The following PLXDC2 variants were observed in gnomAD, a reference collection of about 807,000 sequenced individuals.
PLXDC2 encodes plexin domain containing 2.
A neutral mutation model predicts 68.9 loss-of-function variants in PLXDC2; 40 were observed. The ratio of observed to expected loss-of-function variants is 0.58; its 90% CI spans 0.45 to 0.76. PLXDC2 has a LOEUF of 0.76. Among genes scored for constraint, PLXDC2 ranks in the 30% least tolerant of loss-of-function variants. PLXDC2 has a pLI of 0.00. For synonymous variants in PLXDC2, 243 were observed against 234.2 expected (o/e 1.04, Z -0.34); for missense variants, 644 against 661.9 (o/e 0.97, Z 0.30).
intron 1 of PLXDC2, among the ~76,000 whole-genome samples, chr10:19,933,602 C>CA (rs1417048014): frequency 2.0e-5 from 3 of 152,016 alleles, no homozygotes; most frequent in Non-Finnish European, 4.4e-5. Context: ...CACTGACCTC[C>CA]AGTCTGGGTG....
At chr10:20,209,226 A>G (rs1306982048) in intron 9 of PLXDC2, among the ~76,000 whole-genome samples, 1 of 152,160 alleles carries the variant, frequency 6.6e-6, no homozygotes, top group South Asian at 2.1e-4. Flanking sequence ...AGCTTATTTC[A>G]TCCCTGCAGC....
chr10:20,043,081 A>G (rs1835712154), intron 2 of PLXDC2, among the ~76,000 whole-genome samples: 1 of 152,222 alleles, frequency 6.6e-6, no homozygotes, highest in Non-Finnish European at 1.5e-5. Flanking sequence ...AAAAAGGATA[A>G]GACGTGTTTT....
At chr10:20,217,600 T>TTGC in intron 11 of PLXDC2, 24 bp downstream of exon 11, 1 of 731,820 alleles carries the variant, frequency 1.4e-6, no homozygotes, top group Non-Finnish European at 1.7e-6. Flanking sequence ...AGTTTGCTTT[T>TTGC]TTTTTTTTTT....
intron 12 of PLXDC2, among the ~76,000 whole-genome samples, chr10:20,229,860 A>C (rs1835337155): frequency 6.6e-6 from 1 of 152,232 alleles, no homozygotes. Flanking sequence ...TAAATTAACA[A>C]CTTGTTGGAT....
chr10:20,080,964 G>T (rs1204278099), intron 4 of PLXDC2, among the ~76,000 whole-genome samples: 1 of 152,176 alleles, frequency 6.6e-6, no homozygotes, highest in Non-Finnish European at 1.5e-5. Flanking sequence ...AAACTCCTGA[G>T]GATTCTAGTC....
rs1415400661 is a variant in PLXDC2, at chr10:20,196,539, A to G, written c.1062-15130A>G. ...AAACCTAGCAAAGTTAGATTTCAAA[A>G]TCTCTCTCTTACTGAAAAAGAATCT... On this transcript the variant is annotated intron_variant, in intron 9 of 13. Transcript: ENST00000377252. 3.3e-5 allele frequency among the ~76,000 whole-genome samples: 5 copies of G among 152,082 alleles called. No homozygotes were observed. The East Asian group carries it at 9.7e-4, about 29-fold the overall frequency.
At chr10:20,118,494 C>T (rs182784150) in intron 4 of PLXDC2, among the ~76,000 whole-genome samples, 10 of 152,258 alleles carry the variant, frequency 6.6e-5, no homozygotes, top group Middle Eastern at 3.4e-3. Flanking sequence ...CACATTCTGG[C>T]CAGAACCAAG....
intron 4 of PLXDC2, among the ~76,000 whole-genome samples, chr10:20,115,279 C>T (rs1215423442): frequency 6.6e-6 from 1 of 152,164 alleles, no homozygotes; most frequent in Non-Finnish European, 1.5e-5. Context: ...GCAACCTTGA[C>T]TCATGTCAGC....
chr10:20,243,316 T>C (rs545020873), intron 12 of PLXDC2, among the ~76,000 whole-genome samples: 230 of 152,298 alleles, frequency 1.5e-3, no homozygotes, highest in Admixed American at 3.8e-3. Context: ...GCCTACCTCT[T>C]AGGGTTGTTG....
chr10:20,112,000 C>T lies in PLXDC2; in HGVS notation c.542-31295C>T, dbSNP rs7096389. Reference sequence around the variant, plus strand: ...AGACTCATGGTGGGATTAATGCTCTCTTATGAAGAGTCATTAATGCCCTCT... The same window carrying T: ...AGACTCATGGTGGGATTAATGCTCTTTTATGAAGAGTCATTAATGCCCTCT... On this transcript the variant is annotated intron_variant, in intron 4 of 13. Coordinates refer to ENST00000377252, the MANE Select transcript of PLXDC2 (RefSeq NM_032812.9). 1.7e-3 allele frequency among the ~76,000 whole-genome samples: 255 copies of T among 152,228 alleles called. 1 individual carries two copies. Among genetic ancestry groups the T allele is most frequent in the Non-Finnish European group, 2.5e-3 (170 of 68,014 alleles).
intron 1 of PLXDC2, among the ~76,000 whole-genome samples, chr10:19,897,227 C>CTTTTTTTTTT (rs558204823): frequency 1.4e-5 from 2 of 139,964 alleles, no homozygotes; most frequent in Non-Finnish European, 3.1e-5. Context: ...ATTCCCTTCT[C>CTTTTTTTTTT]TTTTTTTTTT....
chr10:20,125,225 T>C (rs1326244092), intron 4 of PLXDC2, among the ~76,000 whole-genome samples: 1 of 152,152 alleles, frequency 6.6e-6, no homozygotes, highest in Non-Finnish European at 1.5e-5. Context: ...TACTACCACC[T>C]TGCAGTGGGA....
At chr10:19,961,573 G>T (rs1405893677) in intron 1 of PLXDC2, among the ~76,000 whole-genome samples, 7 of 152,238 alleles carry the variant, frequency 4.6e-5, no homozygotes, top group Non-Finnish European at 1.0e-4. Context: ...CATGCAGTGA[G>T]CTAGGTTAAC....
chr10:20,069,392 G>C (rs992985245), intron 4 of PLXDC2, among the ~76,000 whole-genome samples: 3 of 152,186 alleles, frequency 2.0e-5, no homozygotes, highest in Non-Finnish European at 2.9e-5. Flanking sequence ...CCCAGGTGCA[G>C]TGGCTCATAC....
At chr10:19,989,496 A>G (rs933754062) in intron 1 of PLXDC2, among the ~76,000 whole-genome samples, 1 of 152,200 alleles carries the variant, frequency 6.6e-6, no homozygotes, top group African/African-American at 2.4e-5. Context: ...TGGTGCTGAA[A>G]TCAAGTTATA....
chr10:20,101,304 A>C (rs1165285672), intron 4 of PLXDC2, among the ~76,000 whole-genome samples: 5 of 152,182 alleles, frequency 3.3e-5, no homozygotes, highest in African/African-American at 1.2e-4. Context: ...AAGAAAGGAG[A>C]AATTGAATTA....
intron 10 of PLXDC2, among the ~76,000 whole-genome samples, chr10:20,214,483 G>A (rs1003076731): frequency 3.3e-5 from 5 of 152,040 alleles, no homozygotes; most frequent in Admixed American, 1.3e-4. Context: ...TCTTTAGAGC[G>A]ATATTGATTT....
intron 1 of PLXDC2, among the ~76,000 whole-genome samples, chr10:19,985,829 G>A (rs925695938): frequency 2.6e-5 from 4 of 152,178 alleles, no homozygotes; most frequent in African/African-American, 9.7e-5. Flanking sequence ...CCCTTCCAGT[G>A]ACTTTCCACC....
chr10:19,827,891 C>G (rs1836604434), intron 1 of PLXDC2, among the ~76,000 whole-genome samples: 1 of 152,184 alleles, frequency 6.6e-6, no homozygotes, highest in South Asian at 2.1e-4. Flanking sequence ...GACTATTTGA[C>G]TGTGACCTTT....
Sources: allele counts gnomAD v4.1 joint callset (sites outside exome capture counted in the v4.1 genomes callset), GRCh38; gene constraint gnomAD v4.1.1; transcripts MANE v1.5; gene names NCBI Gene and HGNC (gene_info 2026-07-23, HGNC 2026-07-21).